CNTNAP2: variants seen among roughly 807,000 people sequenced by gnomAD.
CNTNAP2 encodes the protein contactin-associated protein-like 2.
A neutral mutation model predicts 155.2 loss-of-function variants in CNTNAP2; 98 were observed. The observed-to-expected ratio is 0.63, with a 90% confidence interval of 0.54 to 0.75. CNTNAP2 has a LOEUF of 0.75. CNTNAP2 is among the 30% of genes least tolerant of loss of function. CNTNAP2 has a pLI of 0.00. For missense variants in CNTNAP2, 1,727 were observed against 1,688.1 expected (o/e 1.02, Z -0.40); for synonymous variants, 651 against 631.2 (o/e 1.03, Z -0.47).
Position 148,335,072 on chromosome 7 carries a change from T to C in CNTNAP2, c.3476-48577T>C, listed in dbSNP as rs957692523. ...TCAGCTGTATTGTGTCTGGAGGAAA[T>C]AGAAGCATGACTAAGCTGATTTGTA... On this transcript the variant is annotated intron_variant, in intron 21 of 23. Transcript: ENST00000361727. 3.9e-4 allele frequency among the ~76,000 whole-genome samples: 60 copies of C among 152,128 alleles called. 1 individual carries two copies. Among genetic ancestry groups the C allele is most frequent in the Non-Finnish European group, 1.2e-4 (8 of 68,028 alleles).
At chr7:146,569,844 T>C (rs970409494) in intron 1 of CNTNAP2, among the ~76,000 whole-genome samples, 7 of 152,186 alleles carry the variant, frequency 4.6e-5, no homozygotes, top group African/African-American at 1.7e-4. Flanking sequence ...CTTCCCTACC[T>C]GACAAGACAG....
intron 11 of CNTNAP2, among the ~76,000 whole-genome samples, chr7:147,523,931 C>T (rs1799272242): frequency 6.6e-6 from 1 of 152,178 alleles, no homozygotes; most frequent in Non-Finnish European, 1.5e-5. Context: ...AATATTTAAG[C>T]ACGGAGGTCA....
chr7:146,263,988 A>C (rs981143147), intron 1 of CNTNAP2, among the ~76,000 whole-genome samples: 1 of 152,224 alleles, frequency 6.6e-6, no homozygotes, highest in African/African-American at 2.4e-5. Flanking sequence ...TCTTTGACTT[A>C]AAGACTGTGT....
intron 8 of CNTNAP2, among the ~76,000 whole-genome samples, chr7:147,136,856 A>G (rs1801490309): frequency 6.6e-6 from 1 of 151,910 alleles, no homozygotes; most frequent in South Asian, 2.1e-4. Context: ...TTTCAGTTCT[A>G]TACTGATATT....
At chr7:146,764,700 C>T in intron 1 of CNTNAP2, among the ~76,000 whole-genome samples, 1 of 151,966 alleles carries the variant, frequency 6.6e-6, no homozygotes, top group Non-Finnish European at 1.5e-5. Context: ...TACATGCAGA[C>T]CAGACAATTT....
intron 11 of CNTNAP2, among the ~76,000 whole-genome samples, chr7:147,505,261 A>G (rs1330343803): frequency 6.6e-6 from 1 of 152,182 alleles, no homozygotes; most frequent in Non-Finnish European, 1.5e-5. Context: ...GTTGGGAAAG[A>G]AATCAATATT....
chr7:146,853,263 C>T (rs1794915972), intron 3 of CNTNAP2, among the ~76,000 whole-genome samples: 2 of 152,106 alleles, frequency 1.3e-5, no homozygotes, highest in Non-Finnish European at 2.9e-5. Context: ...TTTAGCTTTA[C>T]TTAATGTAAG....
chr7:146,428,266 T>G (rs1046315490), intron 1 of CNTNAP2, among the ~76,000 whole-genome samples: 1 of 152,172 alleles, frequency 6.6e-6, no homozygotes, highest in African/African-American at 2.4e-5. Flanking sequence ...TACCCCATAT[T>G]GGGACTGCTG....
intron 1 of CNTNAP2, among the ~76,000 whole-genome samples, chr7:146,255,988 T>TTATTAATAGCATCAG (rs1473492979): frequency 1.3e-5 from 2 of 152,198 alleles, no homozygotes; most frequent in Admixed American, 6.5e-5. Context: ...GAAAAGGTCA[T>TTATTAATAGCATCAG]TATTAATAGC....
chr7:146,254,158 C>G (rs986142839), intron 1 of CNTNAP2, among the ~76,000 whole-genome samples: 1 of 135,072 alleles, frequency 7.4e-6, no homozygotes, highest in African/African-American at 3.3e-5. Flanking sequence ...CACACACACA[C>G]ACACAAGCAA....
At chr7:147,422,355 T>C (rs1584939717) in intron 10 of CNTNAP2, among the ~76,000 whole-genome samples, 1 of 151,486 alleles carries the variant, frequency 6.6e-6, no homozygotes, top group East Asian at 1.9e-4. Context: ...ACACTATGTA[T>C]GTGTATATAT....
intron 1 of CNTNAP2, among the ~76,000 whole-genome samples, chr7:146,652,888 C>A (rs1433882779): frequency 2.6e-5 from 4 of 152,120 alleles, no homozygotes; most frequent in African/African-American, 9.7e-5. Flanking sequence ...GGCTGGATAA[C>A]TTCCTTATGT....
chr7:147,198,968 T>G (rs956263233), intron 8 of CNTNAP2, among the ~76,000 whole-genome samples: 1 of 147,648 alleles, frequency 6.8e-6, no homozygotes, highest in African/African-American at 2.5e-5. Context: ...TTTTTTTTTT[T>G]TTTTTTTTTT....
intron 1 of CNTNAP2, among the ~76,000 whole-genome samples, chr7:146,573,665 A>T (rs753698190): frequency 1.3e-5 from 2 of 152,184 alleles, no homozygotes; most frequent in Non-Finnish European, 2.9e-5. Context: ...GCGGCAGTGC[A>T]CACAAAGAGG....
At chr7:146,443,168 C>G (rs910996598) in intron 1 of CNTNAP2, among the ~76,000 whole-genome samples, 1 of 151,740 alleles carries the variant, frequency 6.6e-6, no homozygotes, top group Non-Finnish European at 1.5e-5. Flanking sequence ...GAGTCGAGAT[C>G]ACGCCACTGC....
chr7:147,561,335 T>G (rs62481317), intron 11 of CNTNAP2, among the ~76,000 whole-genome samples: 1 of 151,930 alleles, frequency 6.6e-6, no homozygotes, highest in Non-Finnish European at 1.5e-5. Context: ...ACATTCTTCA[T>G]TAATTCCTGG....
At chr7:147,731,209 G>C (rs1796733656) in intron 13 of CNTNAP2, among the ~76,000 whole-genome samples, 2 of 152,168 alleles carry the variant, frequency 1.3e-5, no homozygotes, top group Admixed American at 6.6e-5. Context: ...TTTCAATCTA[G>C]ATGAAACATC....
chr7:147,951,538 T>C (rs1194791219), intron 14 of CNTNAP2, among the ~76,000 whole-genome samples: 1 of 152,114 alleles, frequency 6.6e-6, no homozygotes. Flanking sequence ...AGGATAAAAA[T>C]AGTCAGAAAT....
chr7:146,466,566 C>G (rs1355216613), intron 1 of CNTNAP2, among the ~76,000 whole-genome samples: 1 of 152,064 alleles, frequency 6.6e-6, no homozygotes, highest in Admixed American at 6.6e-5. Flanking sequence ...TCCCAAATTC[C>G]CTTTCCTTTA....
Sources: gnomAD v4.1 joint callset for allele counts (sites outside exome capture counted in the v4.1 genomes callset) on GRCh38, gnomAD v4.1.1 for gene constraint, MANE v1.5 for transcripts, NCBI Gene and HGNC (gene_info 2026-07-23, HGNC 2026-07-21) for gene names.